The following ACCSL variants were observed in gnomAD, a reference collection of about 807,000 sequenced individuals.
ACCSL encodes 1-aminocyclopropane-1-carboxylate synthase homolog (inactive) like, also known as probable inactive 1-aminocyclopropane-1-carboxylate synthase-like protein 2.
A neutral mutation model predicts 61.7 loss-of-function variants in ACCSL; 55 were observed. The ratio of observed to expected loss-of-function variants is 0.89; its 90% CI spans 0.72 to 1.12. The LOEUF is 1.12. Ranked by LOEUF, ACCSL falls within the 50% of genes most tolerant of loss-of-function variation. ACCSL has a pLI of 0.00. For synonymous variants in ACCSL, 258 were observed against 264.3 expected (o/e 0.98, Z 0.23); for missense variants, 632 against 698.0 (o/e 0.91, Z 1.07).
chr11:44,031,027 C>G, the ACCSL span, among the ~76,000 whole-genome samples: 1 of 152,176 alleles, frequency 6.6e-6, no homozygotes, highest in African/African-American at 2.4e-5. Context: ...TTGGAAGGCA[C>G]CTGACTGTTG....
chr11:44,025,288 A>G, the ACCSL span, among the ~76,000 whole-genome samples: 91 of 152,242 alleles, frequency 6.0e-4, no homozygotes, highest in Non-Finnish European at 5.4e-4. Flanking sequence ...ATTTTTAAAT[A>G]TATAATTTTA....
the ACCSL span, among the ~76,000 whole-genome samples, chr11:44,013,132 TAAAG>T: frequency 1.6e-4 from 25 of 152,096 alleles, no homozygotes; most frequent in African/African-American, 2.4e-5. Context: ...TATATGCATA[TAAAG>T]AAAGAAGTCC....
the ACCSL span, among the ~76,000 whole-genome samples, chr11:44,002,346 G>A: frequency 2.8e-4 from 43 of 152,170 alleles, no homozygotes; most frequent in African/African-American, 9.4e-4. Context: ...CACCCGGGTG[G>A]GGTGAATCTG....
Position 44,048,058 on chromosome 11 carries a change from C to T in ACCSL, c.22C>T (p.Leu8Phe), listed in dbSNP as rs1952610514. The T allele has an allele frequency of 6.2e-7, 1 of 1,612,924 alleles. No individual in the cohort carries two copies. Among genetic ancestry groups the T allele is most frequent in the African/African-American group, 1.3e-5 (1 of 75,028 alleles). MSHRSDT[L>F]PVPSGQRRGR... ...GAGTATGAGTCATCGGTCAGACACC[C>T]TTCCTGTGCCCTCTGGTCAGAGGAG... The change falls in exon 1 of 14, where the codon CTT becomes TTT. Residue 8 changes from leucine to phenylalanine, a missense_variant. Transcript: ENST00000378832.
At chr11:44,020,774 C>A in the ACCSL span, among the ~76,000 whole-genome samples, 1 of 151,978 alleles carries the variant, frequency 6.6e-6, no homozygotes, top group African/African-American at 2.4e-5. Flanking sequence ...TTATTCCTCA[C>A]CCCCCTCCCA....
the ACCSL span, among the ~76,000 whole-genome samples, chr11:44,000,655 C>T: frequency 7.0e-6 from 1 of 143,462 alleles, no homozygotes; most frequent in Non-Finnish European, 1.5e-5. Flanking sequence ...ATGCCTGTTG[C>T]AGTGTGGCAG....
chr11:44,056,612 C>G (rs956956778), intron 11 of ACCSL, among the ~76,000 whole-genome samples: 2 of 152,162 alleles, frequency 1.3e-5, no homozygotes, highest in Non-Finnish European at 1.5e-5. Context: ...GTGGGCGGAT[C>G]ACTTGAGGCC....
At chr11:43,989,639 C>A in the ACCSL span, among the ~76,000 whole-genome samples, 1 of 152,242 alleles carries the variant, frequency 6.6e-6, no homozygotes, top group Non-Finnish European at 1.5e-5. Context: ...CCATGGCCCC[C>A]ACCCAGCAGG....
At chr11:43,962,475 G>A in the ACCSL span, among the ~76,000 whole-genome samples, 3 of 152,224 alleles carry the variant, frequency 2.0e-5, no homozygotes, top group African/African-American at 7.2e-5. Flanking sequence ...AAAGGCAAGT[G>A]TCTAGAGCAG....
chr11:43,924,333 G>A, the ACCSL span, among the ~76,000 whole-genome samples: 1 of 152,350 alleles, frequency 6.6e-6, no homozygotes, highest in Non-Finnish European at 1.5e-5. Flanking sequence ...CCGTCCCCCA[G>A]CCCTGGCCCT....
chr11:44,011,810 A>G, the ACCSL span, among the ~76,000 whole-genome samples: 2 of 151,890 alleles, frequency 1.3e-5, no homozygotes, highest in Admixed American at 1.3e-4. Context: ...GTGTGTGTGT[A>G]TGGTTGAGAA....
chr11:44,052,866 T>C (rs977594039), intron 6 of ACCSL, 107 bp downstream of exon 6: 6 of 1,447,466 alleles, frequency 4.1e-6, no homozygotes, highest in East Asian at 2.3e-5. Flanking sequence ...AGTGGTTGGG[T>C]AGGGGTGGAG....
chr11:44,045,245 C>A (rs1952591111), upstream of ACCSL, among the ~76,000 whole-genome samples: 3 of 152,062 alleles, frequency 2.0e-5, no homozygotes, highest in Admixed American at 6.6e-5. Context: ...TGAGACCAAC[C>A]TGGGCAACAT....
the ACCSL span, among the ~76,000 whole-genome samples, chr11:44,020,828 C>T: frequency 6.6e-6 from 1 of 151,902 alleles, no homozygotes; most frequent in Non-Finnish European, 1.5e-5. Flanking sequence ...CATTCTTATG[C>T]CTTCATGTCC....
At chr11:43,928,865 G>A in the ACCSL span, among the ~76,000 whole-genome samples, 1 of 152,162 alleles carries the variant, frequency 6.6e-6, no homozygotes, top group African/African-American at 2.4e-5. Flanking sequence ...GGAATGGAGC[G>A]TTCCTCTCCT....
chr11:43,992,756 C>T, the ACCSL span, among the ~76,000 whole-genome samples: 2 of 152,190 alleles, frequency 1.3e-5, no homozygotes, highest in South Asian at 2.1e-4. Flanking sequence ...TCTAGTGTCC[C>T]GGAACGTATT....
chr11:44,046,138 C>T (rs535058253), upstream of ACCSL, among the ~76,000 whole-genome samples: 1 of 152,182 alleles, frequency 6.6e-6, no homozygotes, highest in Non-Finnish European at 1.5e-5. Flanking sequence ...AAATGAATCT[C>T]TTCTAGGACA....
At chr11:44,051,854 C>A in intron 5 of ACCSL, 135 bp downstream of exon 5, 2 of 968,024 alleles carry the variant, frequency 2.1e-6, no homozygotes, top group Non-Finnish European at 3.2e-6. Context: ...CCTTCTCCCA[C>A]ACTGACTAGG....
chr11:43,941,965 C>A, the ACCSL span, among the ~76,000 whole-genome samples: 2 of 151,106 alleles, frequency 1.3e-5, no homozygotes, highest in African/African-American at 4.9e-5. Flanking sequence ...AGTGAGGAGA[C>A]AAACATAAAG....
Sources: gnomAD v4.1 joint callset for allele counts (sites outside exome capture counted in the v4.1 genomes callset) on GRCh38, gnomAD v4.1.1 for gene constraint, MANE v1.5 for transcripts, NCBI Gene and HGNC (gene_info 2026-07-23, HGNC 2026-07-21) for gene names.